The following DEPTOR variants were observed in gnomAD, a reference collection of about 807,000 sequenced individuals.
DEPTOR encodes the protein DEP domain-containing mTOR-interacting protein.
Under a neutral mutation model 41.6 loss-of-function variants are expected in DEPTOR, and 41 were observed. That is an observed-to-expected ratio of 0.98 (90% CI 0.77 to 1.28). The LOEUF (loss-of-function observed/expected upper bound fraction) is 1.28. Among genes scored for constraint, DEPTOR ranks in the 50% most tolerant of loss-of-function variants. The probability of loss-of-function intolerance (pLI) is 0.00; values close to 1 mark genes in which losing one functional copy is unlikely to be tolerated. For missense variants in DEPTOR, 514 were observed against 527.9 expected (o/e 0.97, Z 0.26); for synonymous variants, 195 against 192.3 (o/e 1.01, Z -0.12).
At chr8:119,905,550 T>C (rs1279150167) in intron 1 of DEPTOR, among the ~76,000 whole-genome samples, 1 of 152,162 alleles carries the variant, frequency 6.6e-6, no homozygotes, top group Non-Finnish European at 1.5e-5. Flanking sequence ...TTTTTGATGT[T>C]TCTGATGTTT....
chr8:119,928,033 G>T (rs1422693003), intron 1 of DEPTOR, among the ~76,000 whole-genome samples: 1 of 152,158 alleles, frequency 6.6e-6, no homozygotes, highest in Non-Finnish European at 1.5e-5. Context: ...GGTGCACTTT[G>T]TTTCAGTGCA....
At chr8:120,024,392 G>A (rs773609173) in intron 8 of DEPTOR, among the ~76,000 whole-genome samples, 5 of 152,156 alleles carry the variant, frequency 3.3e-5, no homozygotes, top group African/African-American at 4.8e-5. Flanking sequence ...GCTGTTAGGG[G>A]CTGAATTTTG....
intron 1 of DEPTOR, among the ~76,000 whole-genome samples, chr8:119,916,888 C>G (rs1421735629): frequency 1.3e-5 from 2 of 152,176 alleles, no homozygotes; most frequent in Non-Finnish European, 2.9e-5. Flanking sequence ...AAGACAGGGT[C>G]TGGATTTGTC....
chr8:119,874,072 G>A, intron 1 of DEPTOR, 104 bp downstream of exon 1: 3 of 1,559,318 alleles, frequency 1.9e-6, no homozygotes, highest in Non-Finnish European at 2.6e-6. Context: ...TGCGACTCGC[G>A]TGGGGCGCCG....
At chr8:119,911,341 G>T (rs1205128826) in intron 1 of DEPTOR, among the ~76,000 whole-genome samples, 4 of 127,442 alleles carry the variant, frequency 3.1e-5, no homozygotes, top group African/African-American at 1.2e-4. Context: ...TTTTTGAGAC[G>T]GAGTTTCACT....
rs148672552 is a variant in DEPTOR, at chr8:119,964,038, C to A, written c.426-1194C>A. On this transcript the variant is annotated intron_variant, in intron 3 of 8. Transcript: ENST00000286234. ...ATCCTGCTTCTTGGTTTGCAGATGG[C>A]TGTCTTCTGGCTATGTTCTCACGTG... Among the ~76,000 whole-genome samples, 193 of 152,230 alleles carry A rather than the reference C, an allele frequency of 1.3e-3. 1 individual carries two copies. Among genetic ancestry groups the A allele is most frequent in the African/African-American group, 4.2e-3 (175 of 41,542 alleles).
At chr8:119,880,196 C>T (rs944587967) in intron 1 of DEPTOR, among the ~76,000 whole-genome samples, 1 of 141,154 alleles carries the variant, frequency 7.1e-6, no homozygotes, top group Non-Finnish European at 1.5e-5. Context: ...TAAAGAAGCC[C>T]AACAATATCA....
chr8:119,978,123 G>A (rs76139219), intron 4 of DEPTOR, among the ~76,000 whole-genome samples: 4,290 of 152,166 alleles, frequency 0.028, 94 homozygotes, highest in Middle Eastern at 0.092. Context: ...CTGACAGCTC[G>A]TCACCCAGTG....
chr8:119,952,974 T>G (rs1286404475), intron 3 of DEPTOR, among the ~76,000 whole-genome samples: 4 of 152,216 alleles, frequency 2.6e-5, no homozygotes, highest in Non-Finnish European at 5.9e-5. Flanking sequence ...ACTGAGCAGC[T>G]GTTTATTAGT....
At chr8:119,901,210 T>C (rs1827585537) in intron 1 of DEPTOR, among the ~76,000 whole-genome samples, 1 of 152,196 alleles carries the variant, frequency 6.6e-6, no homozygotes, top group Admixed American at 6.5e-5. Flanking sequence ...GCCATTAACT[T>C]TCTATTGGTC....
At chr8:119,926,553 C>T (rs7465212) in intron 1 of DEPTOR, among the ~76,000 whole-genome samples, 33,110 of 152,064 alleles carry the variant, frequency 0.22, 4,176 homozygotes, top group African/African-American at 0.34. Context: ...TTGGGTCAAG[C>T]TTTTACTACA....
chr8:119,890,555 G>A (rs1445596489), intron 1 of DEPTOR, among the ~76,000 whole-genome samples: 1 of 152,132 alleles, frequency 6.6e-6, no homozygotes, highest in South Asian at 2.1e-4. Flanking sequence ...CACCCACCTC[G>A]GCCTCCCAAA....
At position 119,928,562 on chromosome 8, in the gene DEPTOR, G is replaced by A; in HGVS notation, c.285G>A (p.Arg95=). The A allele has an allele frequency of 6.2e-7, 1 of 1,613,940 alleles. No homozygotes were observed. The highest frequency in any genetic ancestry group is 8.5e-7 in the Non-Finnish European group (1 of 1,179,908). The change falls in exon 2 of 9, where the codon CGG becomes CGA. Residue 95 remains arginine, a synonymous_variant. Coordinates refer to ENST00000286234, the MANE Select transcript of DEPTOR (RefSeq NM_022783.4). Reference sequence around the variant, plus strand: ...AACTCATGCAGAAATTAGCAGACCGGGGCATTATTCACCATGGTGAGTGCG... The same window carrying A: ...AACTCATGCAGAAATTAGCAGACCGAGGCATTATTCACCATGGTGAGTGCG... ...AIKLMQKLAD[R]GIIHHVCDEH...
intron 8 of DEPTOR, among the ~76,000 whole-genome samples, chr8:120,021,083 T>TAAAATAAAATAAAATAAAATAAAAA (rs1812704271): frequency 6.9e-6 from 1 of 145,768 alleles, no homozygotes; most frequent in African/African-American, 2.7e-5. Flanking sequence ...TAAAATAAAA[T>TAAAATAAAATAAAATAAAATAAAAA]AAAATAGGGC....
chr8:120,029,943 CATGGCCAGAT>C (rs1399401832), intron 8 of DEPTOR, among the ~76,000 whole-genome samples: 15 of 152,152 alleles, frequency 9.9e-5, no homozygotes, highest in Admixed American at 9.2e-4. Flanking sequence ...CTGTCTTTAT[CATGGCCAGAT>C]GTGGCCAGCT....
intron 3 of DEPTOR, among the ~76,000 whole-genome samples, chr8:119,944,725 G>A (rs1008715168): frequency 1.1e-4 from 16 of 150,590 alleles, no homozygotes; most frequent in South Asian, 2.1e-4. Context: ...CACAATCTTG[G>A]CTTACTGCAA....
chr8:119,880,176 TAAAATAAA>T (rs1354180551), intron 1 of DEPTOR, among the ~76,000 whole-genome samples: 1 of 148,842 alleles, frequency 6.7e-6, no homozygotes, highest in Non-Finnish European at 1.5e-5. Context: ...TAAAATAAAA[TAAAATAAA>T]ATAAAGAAGC....
At chr8:119,889,745 C>T (rs2129710363) in intron 1 of DEPTOR, among the ~76,000 whole-genome samples, 1 of 150,686 alleles carries the variant, frequency 6.6e-6, no homozygotes, top group South Asian at 2.1e-4. Flanking sequence ...AGACCATAAA[C>T]CTAGAATAAG....
At chr8:119,904,551 G>C (rs1053433254) in intron 1 of DEPTOR, among the ~76,000 whole-genome samples, 1 of 152,078 alleles carries the variant, frequency 6.6e-6, no homozygotes, top group Non-Finnish European at 1.5e-5. Flanking sequence ...CTGCAGAGCA[G>C]TGGTGTGATC....
Sources: allele counts gnomAD v4.1 joint callset (sites outside exome capture counted in the v4.1 genomes callset), GRCh38; gene constraint gnomAD v4.1.1; transcripts MANE v1.5; gene names NCBI Gene and HGNC (gene_info 2026-07-23, HGNC 2026-07-21).